Variants in PEAR1 observed in about 807,000 individuals in gnomAD.
PEAR1 encodes platelet endothelial aggregation receptor 1.
A neutral mutation model predicts 131.2 loss-of-function variants in PEAR1; 113 were observed. That is an observed-to-expected ratio of 0.86 (90% confidence interval 0.74 to 1.01). The LOEUF is 1.01. PEAR1 is among the 50% of genes least tolerant of loss of function. The pLI, the probability that PEAR1 is intolerant of heterozygous loss-of-function variation, is 0.00. For missense variants in PEAR1, 1,408 were observed against 1,391.1 expected (o/e 1.01, Z -0.19); for synonymous variants, 565 against 523.3 (o/e 1.08, Z -1.09).
In PEAR1 at chr1:156,913,176, C is replaced by A; in HGVS notation, c.2423-18C>A. 6.2e-7 allele frequency: 1 copy of A among 1,610,226 alleles called. No homozygotes were observed. ...TGCCCATCGCTGAGCTCACCCTGTG[C>A]TTGTGTCTGTCATGCAGATGTCCCT... On this transcript the variant is annotated intron_variant, in intron 18 of 22. Coordinates refer to ENST00000292357, the MANE Select transcript of PEAR1 (RefSeq NM_001080471.3).
intron 1 of PEAR1, among the ~76,000 whole-genome samples, chr1:156,897,039 C>T (rs1467131563): frequency 6.6e-6 from 1 of 152,220 alleles, no homozygotes; most frequent in Admixed American, 6.5e-5. Flanking sequence ...AGCATCTCTC[C>T]CTCTCTCCCA....
At position 156,911,275 on chromosome 1, in the gene PEAR1, C is replaced by T. The variant is rs868166791; in HGVS notation, c.1951+532C>T. Among the ~76,000 whole-genome samples, 785 of 116,854 alleles carry T rather than the reference C, an allele frequency of 6.7e-3. 37 individuals are homozygous for T. Among genetic ancestry groups the T allele is most frequent in the African/African-American group, 0.03 (749 of 24,566 alleles). The allele number at this position is 116,854 out of a possible 152,430, so 76.7% of individuals were successfully genotyped here. A position where few individuals can be genotyped will look rare whatever the true frequency, so the allele number is the denominator to read the frequency against. On this transcript the variant is annotated intron_variant, in intron 15 of 22. Transcript: ENST00000292357. ...TTTCTTCTTTTCTCTCCCTCCCTCT[C>T]TCTTTCTTTCTTTTTTTTTTTTTTG... is the stretch of plus-strand genomic sequence containing the variant.
intron 6 of PEAR1, among the ~76,000 whole-genome samples, 200 bp from the exon 7 acceptor site, chr1:156,907,410 C>T (rs899740886): frequency 2.0e-5 from 3 of 152,102 alleles, no homozygotes; most frequent in Non-Finnish European, 4.4e-5. Context: ...CTTTGCTCAC[C>T]CCCACCTGCC....
At chr1:156,903,420 G>T (rs936220520) in intron 1 of PEAR1, among the ~76,000 whole-genome samples, 1 of 152,174 alleles carries the variant, frequency 6.6e-6, no homozygotes, top group African/African-American at 2.4e-5. Context: ...TCCCCTCACT[G>T]GTTCCAGTCT....
At position 156,901,043 on chromosome 1, in the gene PEAR1, C is replaced by T. The variant is rs1281188371; in HGVS notation, c.-9-2875C>T. Reference sequence around the variant, plus strand: ...CTCCTGGTCTGGCCTGTGTTCCCTTCTCAGAGGCAAAGGATGGTCAAGCCA... The same window carrying T: ...CTCCTGGTCTGGCCTGTGTTCCCTTTTCAGAGGCAAAGGATGGTCAAGCCA... On this transcript the variant is annotated intron_variant, in intron 1 of 22. Transcript: ENST00000292357. Among the ~76,000 whole-genome samples, 4 of 152,130 alleles carry T rather than the reference C, an allele frequency of 2.6e-5. No homozygotes were observed. The East Asian group carries it at 7.7e-4, about 29-fold the overall frequency.
intron 1 of PEAR1, among the ~76,000 whole-genome samples, chr1:156,900,799 G>C (rs752721335): frequency 6.6e-6 from 1 of 152,174 alleles, no homozygotes; most frequent in Non-Finnish European, 1.5e-5. Context: ...GTCCCCCTCA[G>C]TGAGTGCACT....
intron 14 of PEAR1, 107 bp downstream of exon 14, chr1:156,910,487 A>C: frequency 1.3e-6 from 2 of 1,538,990 alleles, no homozygotes; most frequent in Non-Finnish European, 1.8e-6. Flanking sequence ...CTCCCACCTT[A>C]CCCCCGGTCT....
chr1:156,908,635 GC>G lies in PEAR1; in HGVS notation c.1116-15del, dbSNP rs200183696. 8 of 1,507,168 alleles carry G rather than the reference GC, an allele frequency of 5.3e-6. No homozygotes were observed. In the Admixed American group the frequency reaches 1.0e-4, roughly 19 times the overall value. 93.4% of individuals were successfully genotyped at this position (1,507,168 alleles called of 1,614,324 possible). On this transcript the variant is annotated intron_variant, in intron 9 of 22. Coordinates refer to ENST00000292357, the MANE Select transcript of PEAR1 (RefSeq NM_001080471.3). The surrounding 1 kb of genome is among the most constrained non-coding windows in gnomAD (Gnocchi z 4.2). ...CCCTGCCCAGCTCAGACCGCGCCAC[GC>G]CCCCGCCTCTGCCCCCAGCTGCCAC... is the stretch of plus-strand genomic sequence containing the variant.
rs200703124 is a variant in PEAR1, at chr1:156,910,389, C to T, written c.1825+9C>T. 1 of 1,575,660 alleles carries T rather than the reference C, an allele frequency of 6.3e-7. No individual in the cohort carries two copies. Among genetic ancestry groups the T allele is most frequent in the Middle Eastern group, 1.8e-4 (1 of 5,650 alleles). On this transcript the variant is annotated intron_variant, in intron 14 of 22. Transcript: ENST00000292357. ...CCCCTCCTGCCAGAGATGTGAGGCT[C>T]CCTACTGCCCCTTCCACCTGCCACC...
In PEAR1 at chr1:156,908,836, C is replaced by A. The variant is rs566009919; in HGVS notation, c.1290+7C>A. On this transcript the variant is annotated splice_region_variant and intron_variant, in intron 10 of 22. Coordinates refer to ENST00000292357, the MANE Select transcript of PEAR1 (RefSeq NM_001080471.3). The surrounding 1 kb of genome is among the most constrained non-coding windows in gnomAD (Gnocchi z 4.2). ...GTGCGCGCCGGGTTACACGGTGAGG[C>A]GCGCCCGGCTGCAAGGAAGCGAGGC... The A allele has an allele frequency of 1.2e-5, 19 of 1,604,328 alleles. No individual in the cohort carries two copies. Among genetic ancestry groups the A allele is most frequent in the Non-Finnish European group, 1.6e-5 (19 of 1,177,990 alleles).
At position 156,902,618 on chromosome 1, in the gene PEAR1, G is replaced by A. The variant is rs531723464; in HGVS notation, c.-9-1300G>A. On this transcript the variant is annotated intron_variant, in intron 1 of 22. Coordinates refer to ENST00000292357, the MANE Select transcript of PEAR1 (RefSeq NM_001080471.3). The surrounding 1 kb of genome is among the most constrained non-coding windows in gnomAD (Gnocchi z 4.3). ...GTGTGGGTGTGGGGTGTGGGGTAGG[G>A]CCAGGCAGCAACATTCCAGAGATAC... Among the ~76,000 whole-genome samples, 3 of 152,170 alleles carry A rather than the reference G, an allele frequency of 2.0e-5. No individual in the cohort carries two copies. The highest frequency in any genetic ancestry group is 2.1e-4 in the South Asian group (1 of 4,818).
At chr1:156,900,647 T>G (rs1427878990) in intron 1 of PEAR1, among the ~76,000 whole-genome samples, 1 of 152,150 alleles carries the variant, frequency 6.6e-6, no homozygotes, top group African/African-American at 2.4e-5. Flanking sequence ...CAGTGAACGA[T>G]ACGTGGGGTC....
intron 2 of PEAR1, 128 bp downstream of exon 2, chr1:156,904,155 C>T (rs1266180031): frequency 3.0e-5 from 22 of 732,976 alleles, no homozygotes; most frequent in Non-Finnish European, 4.1e-5. Flanking sequence ...TCTCCCCTCC[C>T]GCCTATTTCT....
chr1:156,909,731 C>T lies in PEAR1; in HGVS notation c.1412-20C>T, dbSNP rs1650821302. The T allele has an allele frequency of 6.3e-7, 1 of 1,579,430 alleles. No homozygotes were observed. The highest frequency in any genetic ancestry group is 8.6e-7 in the Non-Finnish European group (1 of 1,157,942). ...AAGGGAAATGGGTCCCCATACCTAC[C>T]TACCAGGCCCCTCCTCCAGGTTGGC... On this transcript the variant is annotated intron_variant, in intron 11 of 22. Transcript: ENST00000292357.
intron 2 of PEAR1, among the ~76,000 whole-genome samples, chr1:156,904,251 T>C (rs540740049): frequency 1.3e-5 from 2 of 152,284 alleles, no homozygotes; most frequent in South Asian, 4.2e-4. Context: ...TGAACCATCC[T>C]TTCTCTTTCC....
intron 12 of PEAR1, 44 bp downstream of exon 12, chr1:156,909,958 G>T: frequency 6.2e-7 from 1 of 1,612,186 alleles, no homozygotes. Context: ...GGGAGGGCAT[G>T]GCGTCCCCCA....
chr1:156,908,948 C>T lies in PEAR1; in HGVS notation c.1323C>T (p.Asp441=). 1 of 1,613,972 alleles carries T rather than the reference C, an allele frequency of 6.2e-7. No individual in the cohort carries two copies. The highest frequency in any genetic ancestry group is 8.5e-7 in the Non-Finnish European group (1 of 1,179,970). ...ACTGTGCTAGTCTTTGTCCTCCTGA[C>T]ACCTACGGTGTCAACTGTTCTGCAC... is the stretch of plus-strand genomic sequence containing the variant. ...GPHCASLCPP[D]TYGVNCSARC... is the part of the protein sequence containing the mutation. The change falls in exon 11 of 23, where the codon GAC becomes GAT. Residue 441 remains aspartate (D), a synonymous_variant. Transcript: ENST00000292357. The surrounding 1 kb of genome is among the most constrained non-coding windows in gnomAD (Gnocchi z 4.2).
At chr1:156,895,688 T>C (rs546424728) in intron 1 of PEAR1, among the ~76,000 whole-genome samples, 6 of 151,330 alleles carry the variant, frequency 4.0e-5, no homozygotes, top group African/African-American at 1.2e-4. Context: ...CCTAGAAAAA[T>C]AGAGCAGAGA....
Position 156,908,272 on chromosome 1 carries a change from C to G in PEAR1, c.1047C>G (p.Leu349=). ...CTGGGGACCGCTGCACGGATCGCCT[C>G]TGCCCCGACGGCTTCTACGGTCTCA... is the stretch of plus-strand genomic sequence containing the variant. The part of the protein sequence containing the change: ...GFTGDRCTDR[L]CPDGFYGLSC... Residue 349 remains leucine (L), a synonymous_variant, in exon 9 of 23, where the codon CTC becomes CTG. Transcript: ENST00000292357. The surrounding 1 kb of genome is among the most constrained non-coding windows in gnomAD (Gnocchi z 4.2). The G allele has an allele frequency of 6.3e-7, 1 of 1,588,784 alleles. No homozygotes were observed. The highest frequency in any genetic ancestry group is 8.5e-7 in the Non-Finnish European group (1 of 1,172,204).
Sources: gnomAD v4.1 joint callset for allele counts (sites outside exome capture counted in the v4.1 genomes callset) on GRCh38, gnomAD v4.1.1 for gene constraint, Gnocchi (gnomAD v3.1) non-coding constraint, MANE v1.5 for transcripts, NCBI Gene and HGNC (gene_info 2026-07-23, HGNC 2026-07-21) for gene names.